Variants in FGF14 observed in about 807,000 individuals in gnomAD.
The protein encoded by FGF14 is fibroblast growth factor homologous factor 4.
A neutral mutation model predicts 25.5 loss-of-function variants in FGF14; 5 were observed. The observed-to-expected ratio is 0.20, with a 90% CI of 0.10 to 0.41. The LOEUF is 0.41. Ranked by LOEUF, FGF14 falls within the 10% of genes least tolerant of loss-of-function variation. FGF14 has a pLI of 1.00. For missense variants in FGF14, 222 were observed against 320.1 expected (o/e 0.69, Z 2.34); for synonymous variants, 138 against 118.3 (o/e 1.17, Z -1.08).
chr13:101,926,234 A>G (rs2034353351), intron 1 of FGF14, among the ~76,000 whole-genome samples: 1 of 152,174 alleles, frequency 6.6e-6, no homozygotes, highest in Non-Finnish European at 1.5e-5. Flanking sequence ...AATCCTTCCT[A>G]GCCTTTGACA....
At chr13:102,179,047 T>A (rs1175016150) in intron 1 of FGF14, among the ~76,000 whole-genome samples, 3 of 151,998 alleles carry the variant, frequency 2.0e-5, no homozygotes, top group Non-Finnish European at 2.9e-5. Context: ...AAACTAAAAG[T>A]AATGTCAAGT....
At chr13:102,357,897 A>T (rs902258798) in intron 1 of FGF14, among the ~76,000 whole-genome samples, 1 of 152,190 alleles carries the variant, frequency 6.6e-6, no homozygotes, top group Non-Finnish European at 1.5e-5. Flanking sequence ...AGCAAAATGT[A>T]CATATCTGTA....
chr13:102,135,617 G>C (rs1205234231), intron 1 of FGF14, among the ~76,000 whole-genome samples: 1 of 152,148 alleles, frequency 6.6e-6, no homozygotes, highest in Non-Finnish European at 1.5e-5. Flanking sequence ...CCTGTAAACA[G>C]AATTTCTCTA....
chr13:102,300,780 T>A (rs2054996837), intron 1 of FGF14, among the ~76,000 whole-genome samples: 1 of 152,148 alleles, frequency 6.6e-6, no homozygotes, highest in Non-Finnish European at 1.5e-5. Context: ...GCAATTATTT[T>A]AGTTGTTAGC....
chr13:101,971,875 A>G (rs1769461806), intron 1 of FGF14, among the ~76,000 whole-genome samples: 1 of 152,212 alleles, frequency 6.6e-6, no homozygotes, highest in Admixed American at 6.5e-5. Flanking sequence ...TGCAGCCAAT[A>G]CATAACTGTT....
chr13:102,381,642 T>A (rs577434271), intron 1 of FGF14, among the ~76,000 whole-genome samples: 26 of 152,214 alleles, frequency 1.7e-4, no homozygotes, highest in Non-Finnish European at 3.5e-4. Context: ...TTCAAGAGGA[T>A]ATTAATTTCT....
intron 1 of FGF14, among the ~76,000 whole-genome samples, chr13:101,927,330 G>T (rs1056093391): frequency 6.6e-6 from 1 of 152,170 alleles, no homozygotes; most frequent in Non-Finnish European, 1.5e-5. Context: ...GGGATAAACT[G>T]TCCAAACACA....
At chr13:101,935,725 A>G (rs2035057030) in intron 1 of FGF14, among the ~76,000 whole-genome samples, 1 of 152,192 alleles carries the variant, frequency 6.6e-6, no homozygotes, top group Non-Finnish European at 1.5e-5. Context: ...TCACAGCAGC[A>G]TGAGAACGGA....
intron 3 of FGF14, among the ~76,000 whole-genome samples, chr13:101,744,082 G>A (rs1321477423): frequency 6.6e-6 from 1 of 152,146 alleles, no homozygotes; most frequent in African/African-American, 2.4e-5. Flanking sequence ...TAAAATGGCT[G>A]AGGATTAATT....
intron 4 of FGF14, among the ~76,000 whole-genome samples, chr13:101,723,627 T>A (rs1034388161): frequency 6.6e-6 from 1 of 152,084 alleles, no homozygotes; most frequent in Non-Finnish European, 1.5e-5. Flanking sequence ...TTCTGCTATG[T>A]TATTAAAAAT....
At chr13:101,961,934 G>A (rs542210743) in intron 1 of FGF14, among the ~76,000 whole-genome samples, 2 of 152,246 alleles carry the variant, frequency 1.3e-5, no homozygotes, top group Non-Finnish European at 2.9e-5. Flanking sequence ...TCTGGTTTTT[G>A]TACCAGTACT....
intron 1 of FGF14, among the ~76,000 whole-genome samples, chr13:101,913,049 A>G (rs949214335): frequency 6.6e-6 from 1 of 152,248 alleles, no homozygotes; most frequent in Non-Finnish European, 1.5e-5. Context: ...CCACAGGAGA[A>G]TTATTTTTAA....
At chr13:102,161,703 G>GTC (rs1566765989) in intron 1 of FGF14, among the ~76,000 whole-genome samples, 11 of 148,306 alleles carry the variant, frequency 7.4e-5, no homozygotes, top group Middle Eastern at 3.5e-3. Context: ...AGAAGAAGAA[G>GTC]AAGAAGAAGA....
intron 1 of FGF14, among the ~76,000 whole-genome samples, chr13:102,273,132 C>G (rs1002699638): frequency 1.2e-4 from 18 of 152,136 alleles, no homozygotes; most frequent in African/African-American, 4.3e-4. Context: ...TAAGGGACAT[C>G]ACTACATTGC....
chr13:102,175,122 A>C (rs746324347), intron 1 of FGF14, among the ~76,000 whole-genome samples: 1 of 152,156 alleles, frequency 6.6e-6, no homozygotes, highest in Non-Finnish European at 1.5e-5. Context: ...ACCAAAAAAC[A>C]GCCTTGAATA....
intron 1 of FGF14, among the ~76,000 whole-genome samples, chr13:102,230,396 C>T (rs758470289): frequency 6.6e-6 from 1 of 152,132 alleles, no homozygotes; most frequent in Non-Finnish European, 1.5e-5. Context: ...CCCTGTCTAC[C>T]AGGGAATAGA....
chr13:102,317,360 T>C (rs1440459270), intron 1 of FGF14, among the ~76,000 whole-genome samples: 1 of 151,978 alleles, frequency 6.6e-6, no homozygotes, highest in Non-Finnish European at 1.5e-5. Context: ...GTAATAAGTA[T>C]TAGAAAAAAA....
intron 3 of FGF14, among the ~76,000 whole-genome samples, chr13:101,792,244 G>A (rs1006243903): frequency 6.6e-6 from 1 of 152,102 alleles, no homozygotes; most frequent in African/African-American, 2.4e-5. Context: ...ATTGTCAGAT[G>A]AAATCCTTAG....
At chr13:102,153,543 A>G in intron 1 of FGF14, among the ~76,000 whole-genome samples, 1 of 152,232 alleles carries the variant, frequency 6.6e-6, no homozygotes. Context: ...AATGAGATAC[A>G]GTACATGAAA....
Sources: allele counts gnomAD v4.1 joint callset (sites outside exome capture counted in the v4.1 genomes callset), GRCh38; gene constraint gnomAD v4.1.1; transcripts MANE v1.5; gene names NCBI Gene and HGNC (gene_info 2026-07-23, HGNC 2026-07-21).